CNTNAP2: variants seen among roughly 807,000 people sequenced by gnomAD.
The protein encoded by CNTNAP2 is contactin-associated protein-like 2.
CNTNAP2 carries 98 observed loss-of-function variants against 155.2 expected under a neutral mutation model. That is an observed-to-expected ratio of 0.63 (90% CI 0.54 to 0.75). CNTNAP2 has a LOEUF of 0.75. CNTNAP2 is among the 30% of genes least tolerant of loss of function. The pLI is 0.00. For synonymous variants in CNTNAP2, 651 were observed against 631.2 expected, an observed-to-expected ratio of 1.03 and a Z score of -0.47; for missense variants, 1,727 against 1,688.1, an observed-to-expected ratio of 1.02 and a Z score of -0.40.
intron 1 of CNTNAP2, among the ~76,000 whole-genome samples, chr7:146,477,676 T>A (rs1447483782): frequency 7.3e-6 from 1 of 136,340 alleles, no homozygotes; most frequent in East Asian, 2.4e-4. Flanking sequence ...CACACACACA[T>A]CTTCTGGATT....
At chr7:147,173,290 T>G (rs1802269061) in intron 8 of CNTNAP2, among the ~76,000 whole-genome samples, 1 of 152,166 alleles carries the variant, frequency 6.6e-6, no homozygotes, top group Non-Finnish European at 1.5e-5. Flanking sequence ...CCTACTTTTT[T>G]TTTTTAACAA....
intron 1 of CNTNAP2, among the ~76,000 whole-genome samples, chr7:146,611,157 G>T (rs1023017055): frequency 1.3e-5 from 2 of 152,192 alleles, no homozygotes; most frequent in African/African-American, 4.8e-5. Flanking sequence ...CAAGGCTGGG[G>T]TGCAGTGGTG....
chr7:147,261,971 C>G (rs1804478161), intron 8 of CNTNAP2, among the ~76,000 whole-genome samples: 1 of 152,166 alleles, frequency 6.6e-6, no homozygotes, highest in African/African-American at 2.4e-5. Flanking sequence ...CTTATTATAA[C>G]CATGTATAAT....
chr7:147,915,872 C>T (rs1167346325), intron 14 of CNTNAP2, among the ~76,000 whole-genome samples: 4 of 152,266 alleles, frequency 2.6e-5, no homozygotes, highest in East Asian at 1.9e-4. Flanking sequence ...TACACCATCC[C>T]GTGTACGTTA....
At chr7:147,924,236 TC>T (rs1247928121) in intron 14 of CNTNAP2, among the ~76,000 whole-genome samples, 2 of 149,420 alleles carry the variant, frequency 1.3e-5, no homozygotes, top group Admixed American at 1.4e-4. Flanking sequence ...CCTCCTGGGC[TC>T]AAGTGATTCT....
In CNTNAP2 at chr7:147,907,609, C is replaced by T. The variant is rs143729342; in HGVS notation, c.2255+3888C>T. Among the ~76,000 whole-genome samples, 746 of 152,076 alleles carry T rather than the reference C, an allele frequency of 4.9e-3. 4 individuals carry two copies. Among genetic ancestry groups the T allele is most frequent in the African/African-American group, 0.017 (711 of 41,488 alleles). On this transcript the variant is annotated intron_variant, in intron 14 of 23. Transcript: ENST00000361727. ...ACCTTACATCCAGGCCCAGATTTGC[C>T]ACTTTTGGGGGAGGCTTTTAACCTC...
chr7:146,935,234 A>G (rs1032316263), intron 3 of CNTNAP2, among the ~76,000 whole-genome samples: 7 of 152,140 alleles, frequency 4.6e-5, no homozygotes, highest in Non-Finnish European at 7.4e-5. Context: ...TCTTTGAGTA[A>G]TTTTTCCCCT....
chr7:147,299,900 C>T (rs138419203), intron 8 of CNTNAP2, among the ~76,000 whole-genome samples: 2 of 152,124 alleles, frequency 1.3e-5, no homozygotes, highest in Non-Finnish European at 2.9e-5. Flanking sequence ...AAGTACACAG[C>T]GGTATTAATA....
chr7:147,228,337 A>G (rs1334354361), intron 8 of CNTNAP2, among the ~76,000 whole-genome samples: 1 of 152,176 alleles, frequency 6.6e-6, no homozygotes, highest in Non-Finnish European at 1.5e-5. Flanking sequence ...GATAATGGAA[A>G]TGAATCAGTG....
chr7:147,436,228 G>A (rs1019315513), intron 10 of CNTNAP2, among the ~76,000 whole-genome samples: 3 of 152,014 alleles, frequency 2.0e-5, no homozygotes, highest in African/African-American at 7.2e-5. Context: ...ATACCAATTA[G>A]GTTAGATACC....
chr7:147,250,664 G>A (rs1358585530), intron 8 of CNTNAP2, among the ~76,000 whole-genome samples: 1 of 151,970 alleles, frequency 6.6e-6, no homozygotes, highest in African/African-American at 2.4e-5. Flanking sequence ...TGTGTGTCTG[G>A]CCTGAAGGTG....
intron 1 of CNTNAP2, among the ~76,000 whole-genome samples, chr7:146,221,034 G>A (rs1032763075): frequency 7.9e-5 from 12 of 152,114 alleles, no homozygotes; most frequent in Admixed American, 2.0e-4. Flanking sequence ...GTCCAGAGTC[G>A]TCTTCACTTG....
intron 21 of CNTNAP2, among the ~76,000 whole-genome samples, chr7:148,277,654 G>A (rs1351943764): frequency 6.6e-6 from 1 of 150,722 alleles, no homozygotes. Flanking sequence ...GGGAAGCAAG[G>A]CAAGAGCCCT....
intron 10 of CNTNAP2, among the ~76,000 whole-genome samples, chr7:147,471,155 A>G (rs1015299295): frequency 9.2e-5 from 14 of 152,182 alleles, no homozygotes; most frequent in African/African-American, 3.4e-4. Context: ...TGACCTAACC[A>G]AGTGTCCAAA....
At chr7:147,458,523 G>C (rs182788464) in intron 10 of CNTNAP2, among the ~76,000 whole-genome samples, 40 of 152,238 alleles carry the variant, frequency 2.6e-4, no homozygotes, top group African/African-American at 8.9e-4. Context: ...TTCTACTACA[G>C]ATACACCAGG....
Position 148,352,280 on chromosome 7 carries a change from G to A in CNTNAP2, c.3476-31369G>A, listed in dbSNP as rs183640464. ...CAGAAGGGCAAAAGTGGAAATGGAA[G>A]ATCATTTAGGAAGCTGTGATCTTAA... is the stretch of plus-strand genomic sequence containing the variant. On this transcript the variant is annotated intron_variant, in intron 21 of 23. Coordinates refer to ENST00000361727, the MANE Select transcript of CNTNAP2 (RefSeq NM_014141.6). 2.7e-3 allele frequency among the ~76,000 whole-genome samples: 412 copies of A among 152,304 alleles called. 5 individuals are homozygous for A. The highest frequency in any genetic ancestry group is 1.9e-3 in the Non-Finnish European group (128 of 68,024).
intron 16 of CNTNAP2, among the ~76,000 whole-genome samples, chr7:148,119,882 G>A (rs909825519): frequency 3.3e-5 from 5 of 151,798 alleles, no homozygotes; most frequent in African/African-American, 7.3e-5. Flanking sequence ...TGATTGAAAG[G>A]GAGGCTAAGG....
intron 3 of CNTNAP2, among the ~76,000 whole-genome samples, chr7:146,984,221 G>A (rs1439571771): frequency 1.3e-5 from 2 of 151,884 alleles, no homozygotes; most frequent in East Asian, 3.9e-4. Flanking sequence ...TACAAAATTA[G>A]TCGGGTGTGG....
rs62481394 is a variant in CNTNAP2 at position 146,690,541 on chromosome 7, A to G, written c.98-83730A>G. Among the ~76,000 whole-genome samples, 955 of 152,222 alleles carry G rather than the reference A, an allele frequency of 6.3e-3. 8 individuals are homozygous for G. Among genetic ancestry groups the G allele is most frequent in the African/African-American group, 0.022 (913 of 41,560 alleles). On this transcript the variant is annotated intron_variant, in intron 1 of 23. Transcript: ENST00000361727. ...TCACAATTACCAAAGATTTAAATAA[A>G]TGTTTTGTATATGTGAAAACTCTTT...
Sources: allele counts gnomAD v4.1 joint callset (sites outside exome capture counted in the v4.1 genomes callset), GRCh38; gene constraint gnomAD v4.1.1; transcripts MANE v1.5; gene names NCBI Gene and HGNC (gene_info 2026-07-23, HGNC 2026-07-21).